The following CAPN7 variants were observed in gnomAD, a reference collection of about 807,000 sequenced individuals.
The protein encoded by CAPN7 is calpain 7, also known as calpain-7.
A neutral mutation model predicts 115.2 loss-of-function variants in CAPN7; 72 were observed. The ratio of observed to expected loss-of-function variants is 0.63; its 90% CI spans 0.52 to 0.76. The LOEUF (loss-of-function observed/expected upper bound fraction) is 0.76. CAPN7 is among the 30% of genes least tolerant of loss of function. CAPN7 has a pLI of 0.00. For missense variants in CAPN7, 905 were observed against 971.5 expected (o/e 0.93, Z 0.91); for synonymous variants, 344 against 322.3 (o/e 1.07, Z -0.72).
intron 16 of CAPN7, 56 bp from the exon 17 acceptor site, chr3:15,245,470 A>G (rs1695603279): frequency 3.9e-6 from 6 of 1,542,438 alleles, no homozygotes; most frequent in Non-Finnish European, 4.4e-6. Flanking sequence ...TACATCAACC[A>G]TAAAATTAAA....
At chr3:15,235,443 GCTT>G (rs1332485898) in intron 12 of CAPN7, among the ~76,000 whole-genome samples, 1 of 151,978 alleles carries the variant, frequency 6.6e-6, no homozygotes, top group South Asian at 2.1e-4. Flanking sequence ...AAGATTCCAA[GCTT>G]CTTCTTCGTG....
At chr3:15,209,101 C>T (rs961381009) in intron 1 of CAPN7, among the ~76,000 whole-genome samples, 1 of 152,074 alleles carries the variant, frequency 6.6e-6, no homozygotes, top group African/African-American at 2.4e-5. Flanking sequence ...ACCTCCACCT[C>T]GTGGGTTCAA....
Position 15,217,403 on chromosome 3 carries a change from C to T in CAPN7, c.212-22C>T, listed in dbSNP as rs6769868. The T allele has an allele frequency of 0.022, 33,902 of 1,562,382 alleles. 5,985 individuals carry two copies. In the African/African-American group the frequency reaches 0.4, roughly 18 times the overall value. Reference sequence around the variant, plus strand: ...CTGTATTTAGATAATACTCCTTCTGCGTATTTTTTTTTCTATCCTAGTTCA... The same window carrying T: ...CTGTATTTAGATAATACTCCTTCTGTGTATTTTTTTTTCTATCCTAGTTCA... On this transcript the variant is annotated intron_variant, in intron 2 of 20. Coordinates refer to ENST00000253693, the MANE Select transcript of CAPN7 (RefSeq NM_014296.3).
chr3:15,237,496 G>A (rs1041919886), intron 12 of CAPN7, among the ~76,000 whole-genome samples: 3 of 152,074 alleles, frequency 2.0e-5, no homozygotes, highest in Non-Finnish European at 4.4e-5. Context: ...TATAGTCTTG[G>A]AACTTTCTAA....
rs930609619 is a variant in CAPN7 at position 15,252,113 on chromosome 3, G to A, written c.*853G>A. 1 of 152,558 alleles carries A rather than the reference G, an allele frequency of 6.6e-6. No individual in the cohort carries two copies. Among genetic ancestry groups the A allele is most frequent in the Admixed American group, 6.5e-5 (1 of 15,276 alleles). 9.5% of individuals were successfully genotyped at this position (152,558 alleles called of 1,614,324 possible). On this transcript the variant is annotated 3_prime_UTR_variant, in exon 21 of 21. Coordinates refer to ENST00000253693, the MANE Select transcript of CAPN7 (RefSeq NM_014296.3). ...TTGGGATATGTAGCATTCAAAAAAA[G>A]TGAATTGCCAAGATACTGGTGTCAT...
intron 3 of CAPN7, among the ~76,000 whole-genome samples, chr3:15,218,022 A>G (rs1693741824): frequency 6.6e-6 from 1 of 152,180 alleles, no homozygotes; most frequent in Non-Finnish European, 1.5e-5. Context: ...TCTTAGCTTC[A>G]AGGGACATCT....
rs192820099 is a variant in CAPN7, at chr3:15,211,500, C to A, written c.103-604C>A. ...GCTCCTTCGGTAGAGCATCATCAGA[C>A]TTTTAATGTGAGGGTCCAGGGTTCA... On this transcript the variant is annotated intron_variant, in intron 1 of 20. Transcript: ENST00000253693. 3.7e-3 allele frequency among the ~76,000 whole-genome samples: 570 copies of A among 152,050 alleles called. 2 individuals carry two copies. The highest frequency in any genetic ancestry group is 7.1e-3 in the Admixed American group (109 of 15,260).
In CAPN7 at chr3:15,206,407, G is replaced by A. The variant is rs2044623095; in HGVS notation, c.-89G>A. 1.0e-6 allele frequency: 1 copy of A among 966,378 alleles called. No homozygotes were observed. Among genetic ancestry groups the A allele is most frequent in the South Asian group, 1.5e-5 (1 of 65,762 alleles). The allele number at this position is 966,378 out of a possible 1,614,324, so 59.9% of individuals were successfully genotyped here. On this transcript the variant is annotated 5_prime_UTR_variant, in exon 1 of 21. Transcript: ENST00000253693. ...GCCGCTCCTTCCGCGGCGCTCCCGA[G>A]TCCTCGCCGCCGCCGGGCCGCCGCA... is the stretch of plus-strand genomic sequence containing the variant.
rs566957976 is a variant in CAPN7 at position 15,229,561 on chromosome 3, C to CTTTTTTTTTTTTT, written c.938+518_938+530dup. On this transcript the variant is annotated intron_variant, in intron 8 of 20. Transcript: ENST00000253693. Reference sequence around the variant, plus strand: ...CATCAAAATTGGTTTTACTTTTTTTCTTTTTTTTTTTTTTTTTTTTTTTTT... The same window carrying CTTTTTTTTTTTTT: ...CATCAAAATTGGTTTTACTTTTTTTCTTTTTTTTTTTTTTTTTTTTTTTTTTTTTTTTTTTTTT... Among the ~76,000 whole-genome samples the CTTTTTTTTTTTTT allele has an allele frequency of 3.3e-4, 29 of 87,874 alleles. 2 individuals are homozygous for CTTTTTTTTTTTTT. Among genetic ancestry groups the CTTTTTTTTTTTTT allele is most frequent in the East Asian group, 1.9e-3 (4 of 2,134 alleles). 57.6% of individuals were successfully genotyped at this position (87,874 alleles called of 152,430 possible). A position where few individuals can be genotyped will look rare whatever the true frequency, so the allele number is the denominator to read the frequency against.
rs773746039 is a variant in CAPN7 at position 15,251,112 on chromosome 3, A to G, written c.2298-4A>G. On this transcript the variant is annotated splice_polypyrimidine_tract_variant and splice_region_variant and intron_variant, in intron 20 of 20. Transcript: ENST00000253693. ...AACCTTATTCTCATTTTCTCTAAATATAGGTGTGGGTTTTGCTACCTGGAA... is the reference window on the plus strand; with the variant it reads ...AACCTTATTCTCATTTTCTCTAAATGTAGGTGTGGGTTTTGCTACCTGGAA... 1 of 1,604,320 alleles carries G rather than the reference A, an allele frequency of 6.2e-7. No individual in the cohort carries two copies. The highest frequency in any genetic ancestry group is 2.2e-5 in the East Asian group (1 of 44,786).
chr3:15,228,262 A>C lies in CAPN7; in HGVS notation c.852+297A>C, dbSNP rs758439163. Among the ~76,000 whole-genome samples, 70 of 152,238 alleles carry C rather than the reference A, an allele frequency of 4.6e-4. 1 individual carries two copies. Among genetic ancestry groups the C allele is most frequent in the Non-Finnish European group, 3.1e-4 (21 of 68,042 alleles). ...TAAAGGAATAGATATCAGCAATAGA[A>C]GGATATTTAATTATTTGAGTAATTA... On this transcript the variant is annotated intron_variant, in intron 7 of 20. Coordinates refer to ENST00000253693, the MANE Select transcript of CAPN7 (RefSeq NM_014296.3).
In CAPN7 at chr3:15,206,259, GC is replaced by G. The variant is rs1240987383; in HGVS notation, c.-235del. The G allele has an allele frequency of 4.3e-5, 17 of 397,054 alleles. No individual in the cohort carries two copies. Among genetic ancestry groups the G allele is most frequent in the Non-Finnish European group, 6.3e-5 (14 of 220,994 alleles). 24.6% of individuals were successfully genotyped at this position (397,054 alleles called of 1,614,324 possible). A position where few individuals can be genotyped will look rare whatever the true frequency, so the allele number is the denominator to read the frequency against. On this transcript the variant is annotated 5_prime_UTR_variant, in exon 1 of 21. Coordinates refer to ENST00000253693, the MANE Select transcript of CAPN7 (RefSeq NM_014296.3). ...GGTGGGCGGGGCGAGGGCCGCTGGG[GC>G]CGCGAAGTGGGGCGGCCGGGTGGGC...
At position 15,241,320 on chromosome 3, in the gene CAPN7, A is replaced by G. The variant is rs1363446029; in HGVS notation, c.1653-133A>G. On this transcript the variant is annotated intron_variant, in intron 14 of 20. Coordinates refer to ENST00000253693, the MANE Select transcript of CAPN7 (RefSeq NM_014296.3). ...TGTTTTCTTTCCATGCTTCCTAGTT[A>G]TGCCAAAAAAATTTAAAAACAGTAA... is the stretch of plus-strand genomic sequence containing the variant. The G allele has an allele frequency of 5.1e-6, 4 of 785,778 alleles. No homozygotes were observed. The Admixed American group carries it at 1.1e-4, about 21-fold the overall frequency. The allele number at this position is 785,778 out of a possible 1,614,324, so 48.7% of individuals were successfully genotyped here.
At chr3:15,227,638 T>C (rs928404205) in intron 6 of CAPN7, among the ~76,000 whole-genome samples, 2 of 152,090 alleles carry the variant, frequency 1.3e-5, no homozygotes, top group Non-Finnish European at 2.9e-5. Flanking sequence ...TTCAATTATT[T>C]AGGTATATTT....
At chr3:15,223,811 A>C (rs1270456157) in intron 6 of CAPN7, among the ~76,000 whole-genome samples, 1 of 152,208 alleles carries the variant, frequency 6.6e-6, no homozygotes, top group Non-Finnish European at 1.5e-5. Flanking sequence ...GTGTAAAGTA[A>C]GTACTCCGTA....
intron 10 of CAPN7, 31 bp downstream of exon 10, chr3:15,232,696 G>T: frequency 6.4e-7 from 1 of 1,556,808 alleles, no homozygotes. Context: ...TCCAGACACA[G>T]ATTTAAGCTA....
At chr3:15,224,607 G>GA (rs59743200) in intron 6 of CAPN7, among the ~76,000 whole-genome samples, 18,787 of 147,548 alleles carry the variant, frequency 0.13, 3,507 homozygotes, top group African/African-American at 0.41. Flanking sequence ...TAGATGCATA[G>GA]AAAAAAAAAA....
chr3:15,237,523 T>A (rs1695063936), intron 12 of CAPN7, among the ~76,000 whole-genome samples: 1 of 152,226 alleles, frequency 6.6e-6, no homozygotes, highest in Non-Finnish European at 1.5e-5. Flanking sequence ...TGGTCAGTGT[T>A]GAACCCCCCA....
At position 15,233,607 on chromosome 3, in the gene CAPN7, A is replaced by G. The variant is rs113107435; in HGVS notation, c.1180-260A>G. On this transcript the variant is annotated intron_variant, in intron 10 of 20. Coordinates refer to ENST00000253693, the MANE Select transcript of CAPN7 (RefSeq NM_014296.3). ...TCGTTGAAGCAGTTTTTTCTGTTAC[A>G]TGTCTTTTTATCATATTCACCTGTA... Among the ~76,000 whole-genome samples, 1,224 of 152,310 alleles carry G rather than the reference A, an allele frequency of 8.0e-3. 23 individuals are homozygous for G. Among genetic ancestry groups the G allele is most frequent in the African/African-American group, 0.028 (1,170 of 41,572 alleles).
Sources: gnomAD v4.1 joint callset for allele counts (sites outside exome capture counted in the v4.1 genomes callset) on GRCh38, gnomAD v4.1.1 for gene constraint, MANE v1.5 for transcripts, NCBI Gene and HGNC (gene_info 2026-07-23, HGNC 2026-07-21) for gene names.